LFNG: variants seen among roughly 807,000 people sequenced by gnomAD.
LFNG encodes the protein LFNG O-fucosylpeptide 3-beta-N-acetylglucosaminyltransferase.
Under a neutral mutation model 32.7 loss-of-function variants are expected in LFNG, and 15 were observed. The ratio of observed to expected loss-of-function variants is 0.46; its 90% CI spans 0.31 to 0.71. The LOEUF is 0.71. Ranked by LOEUF, LFNG falls within the 30% of genes least tolerant of loss-of-function variation. The pLI is 0.06. For synonymous variants in LFNG, 274 were observed against 246.8 expected (o/e 1.11, Z -1.03); for missense variants, 520 against 545.7 (o/e 0.95, Z 0.47).
chr7:2,525,355 C>T (rs145733291), intron 3 of LFNG, 37 bp downstream of exon 3: 104 of 1,611,818 alleles, frequency 6.5e-5, no homozygotes, highest in African/African-American at 6.0e-4. Flanking sequence ...TCTCCCTGCC[C>T]GAGCCTGGCA....
At chr7:2,519,073 C>A (rs1370667210), upstream of LFNG, among the ~76,000 whole-genome samples, 2 of 152,290 alleles carry the variant, frequency 1.3e-5, no homozygotes, top group East Asian at 3.9e-4. Context: ...CGTTTCTCCT[C>A]GCCATGGGGC....
upstream of LFNG, among the ~76,000 whole-genome samples, chr7:2,515,021 TC>T (rs1314356742): frequency 3.3e-5 from 2 of 59,742 alleles, no homozygotes; most frequent in Non-Finnish European, 3.0e-5. Flanking sequence ...CATCTGTCTA[TC>T]CATCCATCCA....
Position 2,524,675 on chromosome 7 carries a change from G to A in LFNG, c.433-20G>A. The A allele has an allele frequency of 6.3e-7, 1 of 1,574,950 alleles. No homozygotes were observed. Among genetic ancestry groups the A allele is most frequent in the Non-Finnish European group, 8.6e-7 (1 of 1,160,000 alleles). On this transcript the variant is annotated intron_variant, in intron 1 of 7. Coordinates refer to ENST00000222725, the MANE Select transcript of LFNG (RefSeq NM_001040167.2). ...TGGGGATGAAGGGCTGCCTGCTGAA[G>A]GCCGATTTTCTCCTTCCAGACGTTC...
In LFNG at chr7:2,528,238, C is replaced by T; in HGVS notation, c.*1026C>T. On this transcript the variant is annotated 3_prime_UTR_variant, in exon 8 of 8. Coordinates refer to ENST00000222725, the MANE Select transcript of LFNG (RefSeq NM_001040167.2). ...TGGAACCTCCCATCCCTGCCCTCCT[C>T]CTGTGTAGCTGCCACCTCCCCGCTG... 2.0e-6 allele frequency: 2 copies of T among 986,040 alleles called. No individual in the cohort carries two copies. The highest frequency in any genetic ancestry group is 2.4e-6 in the Non-Finnish European group (2 of 830,032). The allele number at this position is 986,040 out of a possible 1,614,324, so 61.1% of individuals were successfully genotyped here.
chr7:2,520,007 CG>C lies in LFNG; in HGVS notation c.151del (p.Ala51LeufsTer94). The C allele has an allele frequency of 2.0e-6, 2 of 987,904 alleles. No homozygotes were observed. Among genetic ancestry groups the C allele is most frequent in the Non-Finnish European group, 1.2e-6 (1 of 834,062 alleles). The allele number at this position is 987,904 out of a possible 1,614,324, so 61.2% of individuals were successfully genotyped here. On this transcript the variant is annotated frameshift_variant, in exon 1 of 8. Transcript: ENST00000222725. LOFTEE classifies it high-confidence loss of function. This position sits in a 1 kb window ranked among gnomAD's most constrained non-coding sequence, Gnocchi z 5.0. ...GCGCTGCGCAGCCTGGCGGGCCCCG[CG>C]GGGGCTGCCCCGGCGCCCGGGCTGG... ...RRALRSLAGPAGAAPAPGLGA... is the reference protein window; with the variant it reads ...RRALRSLAGPXGAAPAPGLGA...
chr7:2,518,578 G>A (rs1017906179), upstream of LFNG: 3 of 1,594,120 alleles, frequency 1.9e-6, no homozygotes, highest in African/African-American at 4.0e-5. Context: ...CTGCTGTCTT[G>A]CGGCTGACAT....
Position 2,520,855 on chromosome 7 carries a change from C to T in LFNG, c.432+562C>T, listed in dbSNP as rs548518525. Among the ~76,000 whole-genome samples the T allele has an allele frequency of 2.0e-5, 3 of 152,266 alleles. No individual in the cohort carries two copies. Among genetic ancestry groups the T allele is most frequent in the South Asian group, 2.1e-4 (1 of 4,832 alleles). On this transcript the variant is annotated intron_variant, in intron 1 of 7. Transcript: ENST00000222725. This position sits in a 1 kb window ranked among gnomAD's most constrained non-coding sequence, Gnocchi z 5.0. ...TTGGGGTCTGTGTGGGGACCCTCCC[C>T]GCACAGTGCAGTAGTCTCTGAGGCC...
chr7:2,512,531 A>C (rs901721801), exon 1 of LFNG: 2 of 820,624 alleles, frequency 2.4e-6, no homozygotes, highest in African/African-American at 3.4e-5. Context: ...TCCTTCCCAG[A>C]CTAAGCTGCA....
upstream of LFNG, among the ~76,000 whole-genome samples, chr7:2,514,578 CCATCCATT>C (rs1278872575): frequency 1.1e-4 from 17 of 152,008 alleles, no homozygotes. Flanking sequence ...ATCTATCCAT[CCATCCATT>C]CATCCATCCA....
In LFNG at chr7:2,527,893, C is replaced by G. The variant is rs4721752; in HGVS notation, c.*681C>G. 89,097 of 989,400 alleles carry G rather than the reference C, an allele frequency of 0.09. 4,389 individuals carry two copies. Among genetic ancestry groups the G allele is most frequent in the Admixed American group, 0.11 (1,977 of 17,224 alleles). The allele number at this position is 989,400 out of a possible 1,614,324, so 61.3% of individuals were successfully genotyped here. A position where few individuals can be genotyped will look rare whatever the true frequency, so the allele number is the denominator to read the frequency against. On this transcript the variant is annotated 3_prime_UTR_variant, in exon 8 of 8. Transcript: ENST00000222725. This position sits in a 1 kb window ranked among gnomAD's most constrained non-coding sequence, Gnocchi z 4.4. Reference sequence around the variant, plus strand: ...CTTCCAGGCCTCCTCAGAGGTCTTCCCTTTGCCTCCCCAGGACAGGGTGAG... The same window carrying G: ...CTTCCAGGCCTCCTCAGAGGTCTTCGCTTTGCCTCCCCAGGACAGGGTGAG...
intron 1 of LFNG, among the ~76,000 whole-genome samples, chr7:2,521,167 G>A (rs976835128): frequency 2.0e-5 from 3 of 148,014 alleles, no homozygotes; most frequent in African/African-American, 7.4e-5. Context: ...GCGCTGTCCT[G>A]TTTTGGGGCA....
chr7:2,514,842 C>CCATCCATT (rs1562548647), upstream of LFNG, among the ~76,000 whole-genome samples: 1 of 151,884 alleles, frequency 6.6e-6, no homozygotes, highest in East Asian at 1.9e-4. Flanking sequence ...ATCCATCCAT[C>CCATCCATT]CATCCATCCA....
intron 1 of LFNG, among the ~76,000 whole-genome samples, chr7:2,524,350 G>T (rs1273525638): frequency 6.6e-6 from 1 of 152,184 alleles, no homozygotes; most frequent in Non-Finnish European, 1.5e-5. Context: ...GGTGCACGGG[G>T]CGGGTCGGGA....
chr7:2,526,162 G>A lies in LFNG; in HGVS notation c.822-82G>A, dbSNP rs986828399. 27 of 1,490,530 alleles carry A rather than the reference G, an allele frequency of 1.8e-5. No individual in the cohort carries two copies. The highest frequency in any genetic ancestry group is 2.3e-5 in the East Asian group (1 of 44,114). 92.3% of individuals were successfully genotyped at this position (1,490,530 alleles called of 1,614,324 possible). On this transcript the variant is annotated intron_variant, in intron 5 of 7. Coordinates refer to ENST00000222725, the MANE Select transcript of LFNG (RefSeq NM_001040167.2). This position sits in a 1 kb window ranked among gnomAD's most constrained non-coding sequence, Gnocchi z 6.9. ...GGCTCCTCTCCCTGAGGAGTGCAGCGCCTTTGCCTGGTGGGGCCTCCCCAG... is the reference window on the plus strand; with the variant it reads ...GGCTCCTCTCCCTGAGGAGTGCAGCACCTTTGCCTGGTGGGGCCTCCCCAG...
chr7:2,513,457 GGGA>G, upstream of LFNG: 1 of 1,092,758 alleles, frequency 9.2e-7, no homozygotes, highest in Non-Finnish European at 1.3e-6. Flanking sequence ...GGTAGCGATG[GGGA>G]GCCTGGGATC....
chr7:2,519,684 G>A (rs1583271393), upstream of LFNG, among the ~76,000 whole-genome samples: 2 of 149,204 alleles, frequency 1.3e-5, no homozygotes, highest in Admixed American at 1.3e-4. Flanking sequence ...ACCGGCGCGA[G>A]GCCCCGCCCC....
chr7:2,515,095 CGTCT>C (rs1008266028), upstream of LFNG, among the ~76,000 whole-genome samples: 17 of 150,124 alleles, frequency 1.1e-4, no homozygotes, highest in Non-Finnish European at 2.2e-4. Flanking sequence ...TCCATCCATC[CGTCT>C]GTCTGTCTGC....
downstream of LFNG, among the ~76,000 whole-genome samples, chr7:2,528,712 C>T (rs1780072093): frequency 6.6e-6 from 1 of 152,158 alleles, no homozygotes; most frequent in East Asian, 1.9e-4. Context: ...CTCTAGGTCC[C>T]AGCCAAAAGC....
chr7:2,513,294 C>T (rs754932306), upstream of LFNG: 1 of 1,610,632 alleles, frequency 6.2e-7, no homozygotes, highest in Admixed American at 1.7e-5. Flanking sequence ...CCAACACCAG[C>T]TCTCAGGTCC....
Sources: gnomAD v4.1 joint callset for allele counts (sites outside exome capture counted in the v4.1 genomes callset) on GRCh38, gnomAD v4.1.1 for gene constraint, Gnocchi (gnomAD v3.1) non-coding constraint, MANE v1.5 for transcripts, NCBI Gene and HGNC (gene_info 2026-07-23, HGNC 2026-07-21) for gene names.